Variants in SLC35F3 observed in about 807,000 individuals in gnomAD.
The protein encoded by SLC35F3 is solute carrier family 35 member F3.
Under a neutral mutation model 49.9 loss-of-function variants are expected in SLC35F3, and 25 were observed. That is an observed-to-expected ratio of 0.50 (90% CI 0.37 to 0.70). The LOEUF (loss-of-function observed/expected upper bound fraction) is 0.70, where lower values mean the gene tolerates loss of function less well. Ranked by LOEUF, SLC35F3 falls within the 30% of genes least tolerant of loss-of-function variation. The pLI is 0.00. For missense variants in SLC35F3, 525 were observed against 639.8 expected (o/e 0.82, Z 1.94); for synonymous variants, 275 against 265.4 (o/e 1.04, Z -0.35).
chr1:234,236,018 G>A (rs1260297508), intron 3 of SLC35F3, among the ~76,000 whole-genome samples: 1 of 152,146 alleles, frequency 6.6e-6, no homozygotes, highest in East Asian at 1.9e-4. Flanking sequence ...CAAGATAAAT[G>A]GACTCTGGAA....
At chr1:234,082,397 A>G (rs1324965802) in intron 2 of SLC35F3, among the ~76,000 whole-genome samples, 2 of 152,216 alleles carry the variant, frequency 1.3e-5, no homozygotes, top group Non-Finnish European at 2.9e-5. Context: ...ACCATGTCAC[A>G]AAAATTCTCA....
chr1:234,211,152 G>A (rs7542931), intron 2 of SLC35F3, among the ~76,000 whole-genome samples: 16,512 of 152,292 alleles, frequency 0.11, 1,820 homozygotes, highest in African/African-American at 0.29. Context: ...GTCAAGGATT[G>A]GGGTTTGGGA....
intron 2 of SLC35F3, among the ~76,000 whole-genome samples, chr1:234,118,117 T>G (rs1420874403): frequency 1.3e-5 from 2 of 152,078 alleles, no homozygotes; most frequent in Non-Finnish European, 2.9e-5. Context: ...CTTTGTTTTA[T>G]TTTTAAAAAT....
In SLC35F3 at chr1:234,108,223, GATATATATATTTATATATATAAAAGAT is replaced by G. The variant is rs1234990898; in HGVS notation, c.284-123185_284-123159del. ...GATATATATATTTATATATATAAAA[GATATATATATTTATATATATAAAAGAT>G]ATATATATTTATATATATAAAAGAT... On this transcript the variant is annotated intron_variant, in intron 2 of 7. Coordinates refer to ENST00000366618, the MANE Select transcript of SLC35F3 (RefSeq NM_173508.4). 2.7e-3 allele frequency among the ~76,000 whole-genome samples: 315 copies of G among 118,028 alleles called. 4 individuals are homozygous for G. Among genetic ancestry groups the G allele is most frequent in the African/African-American group, 0.01 (304 of 29,216 alleles). 77.4% of individuals were successfully genotyped at this position (118,028 alleles called of 152,430 possible).
chr1:234,167,833 G>T (rs1293708360), intron 2 of SLC35F3, among the ~76,000 whole-genome samples: 2 of 152,136 alleles, frequency 1.3e-5, no homozygotes, highest in East Asian at 3.9e-4. Flanking sequence ...AGGCTAAATG[G>T]TTCCAGGTTC....
rs532981912 is a variant in SLC35F3, at chr1:234,136,797, A to G, written c.284-94620A>G. The stretch of plus-strand genomic sequence containing the variant: ...GCAGGCCAGCCTGTTGACCTGCAGC[A>G]GGTGTGTGCACAGCTTAGGCTCGAA... On this transcript the variant is annotated intron_variant, in intron 2 of 7. Transcript: ENST00000366618. Among the ~76,000 whole-genome samples the G allele has an allele frequency of 3.9e-4, 59 of 152,366 alleles. No homozygotes were observed. The South Asian group carries it at 0.012, about 32-fold the overall frequency.
intron 2 of SLC35F3, among the ~76,000 whole-genome samples, chr1:233,943,096 G>A (rs143895378): frequency 6.6e-6 from 1 of 152,304 alleles, no homozygotes; most frequent in African/African-American, 2.4e-5. Flanking sequence ...ATGAATGGAG[G>A]CTAGATTTTA....
intron 2 of SLC35F3, among the ~76,000 whole-genome samples, chr1:234,051,505 G>A (rs1664375854): frequency 6.6e-6 from 1 of 152,190 alleles, no homozygotes; most frequent in African/African-American, 2.4e-5. Flanking sequence ...CTGAGACTTT[G>A]CTGAAGTTGC....
chr1:234,063,632 A>C (rs1484033904), intron 2 of SLC35F3, among the ~76,000 whole-genome samples: 1 of 152,108 alleles, frequency 6.6e-6, no homozygotes, highest in Non-Finnish European at 1.5e-5. Context: ...GTCATGTTTT[A>C]AGGCCTAGGA....
intron 6 of SLC35F3, among the ~76,000 whole-genome samples, chr1:234,319,695 A>G (rs1657570002): frequency 6.6e-6 from 1 of 151,898 alleles, no homozygotes; most frequent in African/African-American, 2.4e-5. Context: ...GTGATAGTGC[A>G]AGACTGTGCC....
At chr1:234,109,959 G>A (rs144495192) in intron 2 of SLC35F3, among the ~76,000 whole-genome samples, 2 of 152,326 alleles carry the variant, frequency 1.3e-5, no homozygotes, top group African/African-American at 2.4e-5. Context: ...TTAGAGAACA[G>A]CAACTAGCTC....
chr1:233,925,979 G>A (rs543368448), intron 2 of SLC35F3, among the ~76,000 whole-genome samples: 1 of 152,226 alleles, frequency 6.6e-6, no homozygotes, highest in Non-Finnish European at 1.5e-5. Context: ...CTTCTGGCTT[G>A]TAGAGTTTCT....
intron 2 of SLC35F3, among the ~76,000 whole-genome samples, chr1:234,067,843 C>T (rs1208187568): frequency 6.6e-6 from 1 of 152,180 alleles, no homozygotes; most frequent in African/African-American, 2.4e-5. Context: ...ATGAAGGGGT[C>T]ATGGGTCATG....
At chr1:233,964,470 G>C (rs1662864174) in intron 2 of SLC35F3, among the ~76,000 whole-genome samples, 1 of 152,214 alleles carries the variant, frequency 6.6e-6, no homozygotes, top group South Asian at 2.1e-4. Flanking sequence ...CTCACCATGA[G>C]GGAGGCAGAT....
intron 2 of SLC35F3, among the ~76,000 whole-genome samples, chr1:234,009,423 G>A (rs1044182036): frequency 2.6e-5 from 4 of 152,162 alleles, no homozygotes; most frequent in Non-Finnish European, 4.4e-5. Context: ...CTAGAAGGAT[G>A]ACATGTAATC....
intron 2 of SLC35F3, among the ~76,000 whole-genome samples, chr1:233,985,858 C>A (rs1663258334): frequency 6.6e-6 from 1 of 152,218 alleles, no homozygotes; most frequent in South Asian, 2.1e-4. Context: ...AAACTTCCTG[C>A]AGAGGTTGAT....
chr1:233,920,424 G>A (rs1333629076), intron 2 of SLC35F3, among the ~76,000 whole-genome samples: 3 of 152,184 alleles, frequency 2.0e-5, no homozygotes, highest in Admixed American at 6.5e-5. Context: ...AAGGAGGAGA[G>A]ATGGTGACTA....
rs148362527 is a variant in SLC35F3 at position 234,220,352 on chromosome 1, A to G, written c.284-11065A>G. Among the ~76,000 whole-genome samples, 8 of 152,224 alleles carry G rather than the reference A, an allele frequency of 5.3e-5. No homozygotes were observed. In the East Asian group the frequency reaches 1.5e-3, roughly 29 times the overall value. On this transcript the variant is annotated intron_variant, in intron 2 of 7. Transcript: ENST00000366618. Reference sequence around the variant, plus strand: ...CATACGTGTGTGTCATATTGAAGGTATAGCGAAAAATTTTTTAAACTCTGC... The same window carrying G: ...CATACGTGTGTGTCATATTGAAGGTGTAGCGAAAAATTTTTTAAACTCTGC...
At chr1:234,075,184 C>A (rs1171762806) in intron 2 of SLC35F3, among the ~76,000 whole-genome samples, 1 of 152,068 alleles carries the variant, frequency 6.6e-6, no homozygotes, top group African/African-American at 2.4e-5. Context: ...CATGTTAGAA[C>A]AAAGGACACA....
Sources: gnomAD v4.1 joint callset for allele counts (sites outside exome capture counted in the v4.1 genomes callset) on GRCh38, gnomAD v4.1.1 for gene constraint, MANE v1.5 for transcripts, NCBI Gene and HGNC (gene_info 2026-07-23, HGNC 2026-07-21) for gene names.